Variants in SGPL1 observed in about 807,000 individuals in gnomAD.
The protein encoded by SGPL1 is sphingosine-1-phosphate lyase 1.
A neutral mutation model predicts 68.9 loss-of-function variants in SGPL1; 37 were observed. That is an observed-to-expected ratio of 0.54 (90% CI 0.41 to 0.71). The LOEUF (loss-of-function observed/expected upper bound fraction) is 0.71, where lower values mean the gene tolerates loss of function less well. SGPL1 is among the 30% of genes least tolerant of loss of function. The probability of loss-of-function intolerance (pLI) is 0.00; values close to 1 mark genes in which losing one functional copy is unlikely to be tolerated. For missense variants in SGPL1, 551 were observed against 704.6 expected, an observed-to-expected ratio of 0.78 and a Z score of 2.47; for synonymous variants, 236 against 248.5, an observed-to-expected ratio of 0.95 and a Z score of 0.47.
chr10:70,862,656 C>T (rs1215414196), intron 7 of SGPL1, among the ~76,000 whole-genome samples: 1 of 152,066 alleles, frequency 6.6e-6, no homozygotes, highest in African/African-American at 2.4e-5. Flanking sequence ...AGACCACGAG[C>T]CCACCGGGAG....
At chr10:70,862,194 G>GT (rs1435467119) in intron 7 of SGPL1, among the ~76,000 whole-genome samples, 2 of 152,214 alleles carry the variant, frequency 1.3e-5, no homozygotes, top group African/African-American at 4.8e-5. Flanking sequence ...TCGGCACTCT[G>GT]TATCTAGCTC....
chr10:70,872,667 C>T (rs918449007), intron 11 of SGPL1, among the ~76,000 whole-genome samples: 3 of 152,146 alleles, frequency 2.0e-5, no homozygotes, highest in African/African-American at 7.2e-5. Context: ...TTTTCAAAAT[C>T]GGTGTGATCT....
chr10:70,864,507 A>C (rs1846143133), intron 7 of SGPL1, among the ~76,000 whole-genome samples: 1 of 152,096 alleles, frequency 6.6e-6, no homozygotes, highest in South Asian at 2.1e-4. Flanking sequence ...TATGGATGCT[A>C]CTGGCTTTGT....
At chr10:70,840,296 C>T (rs974718594) in intron 2 of SGPL1, among the ~76,000 whole-genome samples, 1 of 151,966 alleles carries the variant, frequency 6.6e-6, no homozygotes, top group African/African-American at 2.4e-5. Context: ...GGGGTCTCTG[C>T]TTGTAAAATG....
At chr10:70,868,237 G>A in intron 7 of SGPL1, 108 bp from the exon 8 acceptor site, 1 of 779,112 alleles carries the variant, frequency 1.3e-6, no homozygotes. Context: ...CTTGCAGCAT[G>A]CATCCAAGAC....
At chr10:70,819,694 G>A (rs1845304418) in intron 2 of SGPL1, among the ~76,000 whole-genome samples, 1 of 144,860 alleles carries the variant, frequency 6.9e-6, no homozygotes, top group African/African-American at 2.6e-5. Context: ...GCAGTGGCAT[G>A]ATCTCAGCTT....
intron 7 of SGPL1, among the ~76,000 whole-genome samples, chr10:70,862,603 A>G (rs1047364772): frequency 6.6e-6 from 1 of 152,130 alleles, no homozygotes; most frequent in East Asian, 1.9e-4. Flanking sequence ...ATGAGCTGTG[A>G]CACTCACCAC....
chr10:70,875,584 C>T (rs1160679029), intron 13 of SGPL1, 36 bp downstream of exon 13: 19 of 1,576,426 alleles, frequency 1.2e-5, no homozygotes, highest in Non-Finnish European at 1.5e-5. Flanking sequence ...TTATTTTGCT[C>T]CATGATTTTG....
At chr10:70,868,554 C>T (rs1846235293) in intron 8 of SGPL1, 121 bp downstream of exon 8, 2 of 776,892 alleles carry the variant, frequency 2.6e-6, no homozygotes, top group South Asian at 3.0e-5. Context: ...TTCTGGTCCC[C>T]TTTCCCCCTG....
intron 7 of SGPL1, among the ~76,000 whole-genome samples, chr10:70,861,982 C>T (rs953246579): frequency 6.6e-6 from 1 of 152,252 alleles, no homozygotes; most frequent in Non-Finnish European, 1.5e-5. Flanking sequence ...ACTCCCTGCT[C>T]CACGGCGCCC....
Position 70,878,336 on chromosome 10 carries a change from T to G in SGPL1, c.*1001T>G, listed in dbSNP as rs1174449930. ...CATTTGACACTTGGTTGCCACCATC[T>G]TTGGAGATTATTGTTTGGAATGATG... On this transcript the variant is annotated 3_prime_UTR_variant, in exon 15 of 15. Coordinates refer to ENST00000373202, the MANE Select transcript of SGPL1 (RefSeq NM_003901.4). 1 of 152,226 alleles carries G rather than the reference T, an allele frequency of 6.6e-6. No homozygotes were observed. Among genetic ancestry groups the G allele is most frequent in the Non-Finnish European group, 1.5e-5 (1 of 68,048 alleles). 9.4% of individuals were successfully genotyped at this position (152,226 alleles called of 1,614,324 possible).
chr10:70,871,524 A>G (rs187346951), intron 10 of SGPL1, among the ~76,000 whole-genome samples: 99 of 152,254 alleles, frequency 6.5e-4, no homozygotes, highest in African/African-American at 2.2e-3. Context: ...CTGAGGCAGG[A>G]CCTTTCCCTT....
At chr10:70,824,457 G>T (rs909579192) in intron 2 of SGPL1, among the ~76,000 whole-genome samples, 2 of 152,120 alleles carry the variant, frequency 1.3e-5, no homozygotes, top group African/African-American at 4.8e-5. Flanking sequence ...ATTGAAAATG[G>T]ACTATTTGTC....
intron 3 of SGPL1, among the ~76,000 whole-genome samples, chr10:70,847,178 C>T (rs889859454): frequency 3.3e-5 from 5 of 151,842 alleles, no homozygotes; most frequent in Non-Finnish European, 7.4e-5. Context: ...GACGGAGTCT[C>T]ACTCTGTCAC....
chr10:70,817,612 A>G (rs1362534750), intron 2 of SGPL1, among the ~76,000 whole-genome samples: 2 of 152,074 alleles, frequency 1.3e-5, no homozygotes, highest in African/African-American at 4.8e-5. Context: ...TTTCTTTTTC[A>G]TAATTCTTGC....
chr10:70,876,884 T>C (rs1173076363), intron 14 of SGPL1, among the ~76,000 whole-genome samples: 1 of 152,240 alleles, frequency 6.6e-6, no homozygotes, highest in African/African-American at 2.4e-5. Context: ...TAGAGACTTC[T>C]GTATAAAAGC....
At chr10:70,873,293 C>A in intron 11 of SGPL1, 58 bp from the exon 12 acceptor site, 4 of 1,235,366 alleles carry the variant, frequency 3.2e-6, no homozygotes, top group Non-Finnish European at 4.8e-6. Flanking sequence ...AGTTCTGGGA[C>A]AAGGTCTGCC....
At chr10:70,816,775 G>A (rs1589443520) in intron 1 of SGPL1, 36 bp from the exon 2 acceptor site, 3 of 1,424,122 alleles carry the variant, frequency 2.1e-6, no homozygotes, top group East Asian at 2.3e-5. Flanking sequence ...ACAGTTTAAA[G>A]CTCTAGAAGT....
In SGPL1 at chr10:70,868,416, G is replaced by T. The variant is rs1412183037; in HGVS notation, c.687G>T (p.Gly229=). 1 of 1,613,734 alleles carries T rather than the reference G, an allele frequency of 6.2e-7. No individual in the cohort carries two copies. Among genetic ancestry groups the T allele is most frequent in the South Asian group, 1.1e-5 (1 of 91,066 alleles). Residue 229 remains glycine (G), a synonymous_variant, in exon 8 of 15, where the codon GGG becomes GGT. Transcript: ENST00000373202. ...ATCGGGATCTGGCCTTTGAGAAGGGGATCAAAACTCCAGAAATGTATGTAT... is the reference window on the plus strand; with the variant it reads ...ATCGGGATCTGGCCTTTGAGAAGGGTATCAAAACTCCAGAAATGTATGTAT... The part of the protein sequence containing the change: ...KAYRDLAFEK[G]IKTPEIVAPQ...
Sources: gnomAD v4.1 joint callset for allele counts (sites outside exome capture counted in the v4.1 genomes callset) on GRCh38, gnomAD v4.1.1 for gene constraint, MANE v1.5 for transcripts, NCBI Gene and HGNC (gene_info 2026-07-23, HGNC 2026-07-21) for gene names.